Variants in BBX observed in about 807,000 individuals in gnomAD.
BBX encodes HMG box transcription factor BBX.
A neutral mutation model predicts 100.2 loss-of-function variants in BBX; 30 were observed. The ratio of observed to expected loss-of-function variants is 0.30; its 90% confidence interval spans 0.22 to 0.41. The LOEUF is 0.41. Ranked by LOEUF, BBX falls within the 10% of genes least tolerant of loss-of-function variation. The pLI, the probability that BBX is intolerant of heterozygous loss-of-function variation, is 1.00. For synonymous variants in BBX, 376 were observed against 388.1 expected (o/e 0.97, Z 0.37); for missense variants, 1,023 against 1,129.8 (o/e 0.91, Z 1.35).
chr3:107,798,480 T>C (rs770043400), intron 15 of BBX, 43 bp from the exon 16 acceptor site: 2 of 1,585,986 alleles, frequency 1.3e-6, no homozygotes, highest in Non-Finnish European at 1.7e-6. Context: ...TTTTGGTGCC[T>C]TCTGTTTTTG....
At chr3:107,731,096 A>C (rs2063288211) in intron 6 of BBX, among the ~76,000 whole-genome samples, 1 of 152,194 alleles carries the variant, frequency 6.6e-6, no homozygotes, top group South Asian at 2.1e-4. Flanking sequence ...CCTTTCATTT[A>C]ATTGCACTAA....
chr3:107,697,101 AAATTTTTTTC>A (rs2060664446), intron 3 of BBX, among the ~76,000 whole-genome samples: 1 of 140,456 alleles, frequency 7.1e-6, no homozygotes, highest in Non-Finnish European at 1.6e-5. Flanking sequence ...ACATTCTTCT[AAATTTTTTTC>A]AAAGTTTTCA....
chr3:107,613,219 G>A (rs1476556246), intron 2 of BBX, among the ~76,000 whole-genome samples: 6 of 147,770 alleles, frequency 4.1e-5, no homozygotes, highest in Admixed American at 6.8e-5. Context: ...ATGGAGTCTC[G>A]CTCTGTCGCC....
chr3:107,687,202 T>G (rs1167466071), intron 3 of BBX, among the ~76,000 whole-genome samples: 1 of 152,190 alleles, frequency 6.6e-6, no homozygotes, highest in Non-Finnish European at 1.5e-5. Context: ...TAAGCCAATT[T>G]TCAAATCATA....
At chr3:107,597,334 C>T (rs915416106) in intron 2 of BBX, among the ~76,000 whole-genome samples, 4 of 152,082 alleles carry the variant, frequency 2.6e-5, no homozygotes, top group Non-Finnish European at 2.9e-5. Context: ...TGTGACCATA[C>T]GGCTCCCAGT....
intron 10 of BBX, among the ~76,000 whole-genome samples, chr3:107,768,109 C>G (rs532716006): frequency 6.6e-6 from 1 of 152,314 alleles, no homozygotes; most frequent in Non-Finnish European, 1.5e-5. Context: ...GCGTCACCGC[C>G]TCCTGTTTGG....
chr3:107,708,721 T>A (rs1472229140), intron 3 of BBX, among the ~76,000 whole-genome samples: 1 of 152,130 alleles, frequency 6.6e-6, no homozygotes, highest in Non-Finnish European at 1.5e-5. Flanking sequence ...AAATGAAGAT[T>A]TTTTTAGAAA....
At chr3:107,584,064 CATATATT>C (rs2052541488) in intron 2 of BBX, among the ~76,000 whole-genome samples, 12 of 10,242 alleles carry the variant, frequency 1.2e-3, no homozygotes, top group East Asian at 9.5e-3. Flanking sequence ...TTATATATAT[CATATATT>C]ATATATATTA....
intron 3 of BBX, among the ~76,000 whole-genome samples, chr3:107,665,039 T>C (rs2058667556): frequency 6.6e-6 from 1 of 152,230 alleles, no homozygotes; most frequent in Non-Finnish European, 1.5e-5. Flanking sequence ...TACTTCGTGT[T>C]TTATAATTTT....
intron 17 of BBX, 89 bp from the exon 18 acceptor site, chr3:107,805,281 A>G: frequency 7.4e-7 from 1 of 1,358,342 alleles, no homozygotes. Context: ...GTTAAACAAG[A>G]TATTGGAACA....
chr3:107,675,694 A>G lies in BBX; in HGVS notation c.-10+29785A>G, dbSNP rs1345963408. Reference sequence around the variant, plus strand: ...TGTTACTATTTGGGGAAGAATAAAAAGGCAGTATGATATAGCGGAAAGAGT... The same window carrying G: ...TGTTACTATTTGGGGAAGAATAAAAGGGCAGTATGATATAGCGGAAAGAGT... On this transcript the variant is annotated intron_variant, in intron 3 of 17. Coordinates refer to ENST00000325805, the MANE Select transcript of BBX (RefSeq NM_001142568.3). Among the ~76,000 whole-genome samples, 3 of 152,224 alleles carry G rather than the reference A, an allele frequency of 2.0e-5. No homozygotes were observed. The East Asian group carries it at 5.8e-4, about 29-fold the overall frequency.
chr3:107,640,401 T>C (rs1368461887), intron 2 of BBX, among the ~76,000 whole-genome samples: 3 of 152,314 alleles, frequency 2.0e-5, no homozygotes, highest in African/African-American at 7.2e-5. Context: ...GAACCTTTGC[T>C]CATCCTATGC....
chr3:107,555,085 C>T (rs1374535539), intron 2 of BBX, among the ~76,000 whole-genome samples: 2 of 152,014 alleles, frequency 1.3e-5, no homozygotes, highest in Admixed American at 1.3e-4. Flanking sequence ...ACAACAACAA[C>T]AACAACAACA....
intron 3 of BBX, among the ~76,000 whole-genome samples, chr3:107,668,930 A>G (rs907255965): frequency 2.6e-5 from 4 of 152,092 alleles, no homozygotes; most frequent in Admixed American, 2.6e-4. Flanking sequence ...GATTTATGCT[A>G]TTGTGGCAAC....
chr3:107,548,866 A>G (rs1348587762), intron 2 of BBX, among the ~76,000 whole-genome samples: 3 of 152,238 alleles, frequency 2.0e-5, no homozygotes, highest in African/African-American at 7.2e-5. Context: ...GGAGACCATC[A>G]TCCTAAGCAA....
intron 8 of BBX, among the ~76,000 whole-genome samples, chr3:107,745,820 G>A (rs2107617089): frequency 6.6e-6 from 1 of 152,104 alleles, no homozygotes; most frequent in East Asian, 1.9e-4. Flanking sequence ...TTTGAAAGCA[G>A]AACGGCTTAA....
intron 2 of BBX, among the ~76,000 whole-genome samples, chr3:107,546,111 C>T (rs16853598): frequency 5.9e-5 from 9 of 152,262 alleles, no homozygotes; most frequent in African/African-American, 2.2e-4. Flanking sequence ...CTGTCCCAAG[C>T]TTTCATGCAG....
chr3:107,656,551 G>A (rs1319983467), intron 3 of BBX, among the ~76,000 whole-genome samples: 2 of 152,010 alleles, frequency 1.3e-5, no homozygotes, highest in African/African-American at 4.8e-5. Flanking sequence ...AATATATATT[G>A]AGAAATCTAA....
intron 7 of BBX, among the ~76,000 whole-genome samples, chr3:107,742,369 T>C (rs550686034): frequency 1.2e-4 from 19 of 152,080 alleles, no homozygotes; most frequent in South Asian, 8.3e-4. Flanking sequence ...CTCTATTCTT[T>C]TGTGGACTAG....
Sources: allele counts gnomAD v4.1 joint callset (sites outside exome capture counted in the v4.1 genomes callset), GRCh38; gene constraint gnomAD v4.1.1; transcripts MANE v1.5; gene names NCBI Gene and HGNC (gene_info 2026-07-23, HGNC 2026-07-21).